TRIO: variants seen among roughly 807,000 people sequenced by gnomAD.
TRIO encodes triple functional domain protein.
A neutral mutation model predicts 351.9 loss-of-function variants in TRIO; 58 were observed. The ratio of observed to expected loss-of-function variants is 0.16; its 90% CI spans 0.13 to 0.21. The LOEUF is 0.21. TRIO is among the 10% of genes least tolerant of loss of function. The pLI is 1.00. For missense variants in TRIO, 3,201 were observed against 4,027.8 expected (o/e 0.79, Z 5.56); for synonymous variants, 1,758 against 1,595.7 (o/e 1.10, Z -2.42).
At chr5:14,364,071 G>T in intron 14 of TRIO, 144 bp downstream of exon 14, 1 of 734,930 alleles carries the variant, frequency 1.4e-6, no homozygotes, top group South Asian at 2.3e-5. Flanking sequence ...AAGAACGTTT[G>T]CATTTTTATG....
chr5:14,298,361 G>A (rs30633), intron 7 of TRIO, among the ~76,000 whole-genome samples: 89,597 of 151,978 alleles, frequency 0.59, 28,963 homozygotes, highest in Middle Eastern at 0.71. Context: ...TTCAGGATGT[G>A]GAGAAAGGGC....
intron 1 of TRIO, among the ~76,000 whole-genome samples, chr5:14,208,811 A>T (rs171592): frequency 6.6e-6 from 1 of 151,982 alleles, no homozygotes; most frequent in South Asian, 2.1e-4. Context: ...CCTCACTTCT[A>T]TTTTCTGTTC....
chr5:14,247,795 C>T (rs1359531921), intron 1 of TRIO, among the ~76,000 whole-genome samples: 4 of 152,086 alleles, frequency 2.6e-5, no homozygotes, highest in African/African-American at 9.7e-5. Flanking sequence ...AGGCAGGGCA[C>T]GGTGGCTCAC....
At chr5:14,465,520 C>G in intron 36 of TRIO, 25 bp from the exon 37 acceptor site, 2 of 1,613,266 alleles carry the variant, frequency 1.2e-6, no homozygotes, top group Admixed American at 1.7e-5. Flanking sequence ...GCCCCACCCC[C>G]TCCTTTTCTT....
At chr5:14,487,048 C>G (rs888903798) in intron 47 of TRIO, among the ~76,000 whole-genome samples, 2 of 152,256 alleles carry the variant, frequency 1.3e-5, no homozygotes. Flanking sequence ...TCCTTAGCTT[C>G]CCTCAGGGCT....
At chr5:14,479,182 C>A in intron 41 of TRIO, 79 bp from the exon 42 acceptor site, 1 of 1,216,932 alleles carries the variant, frequency 8.2e-7, no homozygotes, top group Non-Finnish European at 1.2e-6. Context: ...TATGAATGTG[C>A]TGAAATGTGC....
At chr5:14,150,601 CAATT>C (rs1373034146) in intron 1 of TRIO, among the ~76,000 whole-genome samples, 2 of 152,148 alleles carry the variant, frequency 1.3e-5, no homozygotes, top group African/African-American at 4.8e-5. Flanking sequence ...AATAGGCAAA[CAATT>C]AAAAGAAGTA....
At chr5:14,473,959 C>G (rs1329624152) in intron 39 of TRIO, 35 bp from the exon 40 acceptor site, 1 of 1,584,790 alleles carries the variant, frequency 6.3e-7, no homozygotes, top group Non-Finnish European at 8.6e-7. Context: ...AGACATATTC[C>G]ATGAAATACA....
intron 1 of TRIO, among the ~76,000 whole-genome samples, chr5:14,145,664 TG>T (rs1787472912): frequency 6.6e-6 from 1 of 152,192 alleles, no homozygotes; most frequent in Admixed American, 6.5e-5. Context: ...AGCTCCTCTC[TG>T]TTAGAAAGGC....
chr5:14,416,574 A>G (rs1380397792), intron 33 of TRIO, among the ~76,000 whole-genome samples: 1 of 152,196 alleles, frequency 6.6e-6, no homozygotes, highest in Non-Finnish European at 1.5e-5. Flanking sequence ...AGGAATTTTA[A>G]CTTTGTATAT....
intron 49 of TRIO, among the ~76,000 whole-genome samples, chr5:14,495,475 CTT>C (rs1756812158): frequency 6.6e-6 from 1 of 152,000 alleles, no homozygotes; most frequent in Non-Finnish European, 1.5e-5. Context: ...GCAGGGAAGT[CTT>C]TTGTAACAAG....
At chr5:14,331,071 A>G (rs1011331647) in intron 10 of TRIO, among the ~76,000 whole-genome samples, 171 bp downstream of exon 10, 1 of 152,276 alleles carries the variant, frequency 6.6e-6, no homozygotes. Flanking sequence ...AGGCAGAAAC[A>G]TGATTTGGTA....
intron 37 of TRIO, among the ~76,000 whole-genome samples, chr5:14,468,546 G>A (rs1340258183): frequency 6.6e-6 from 1 of 152,160 alleles, no homozygotes; most frequent in African/African-American, 2.4e-5. Context: ...CTCTTTTTCT[G>A]GTTCAAGAGA....
intron 54 of TRIO, among the ~76,000 whole-genome samples, chr5:14,503,655 G>T (rs3789158): frequency 1.3e-5 from 2 of 152,040 alleles, no homozygotes. Context: ...AACGACCAAC[G>T]TCCTCCACAT....
intron 47 of TRIO, 152 bp from the exon 48 acceptor site, chr5:14,487,312 C>A: frequency 1.1e-6 from 1 of 946,816 alleles, no homozygotes; most frequent in Non-Finnish European, 1.3e-6. Flanking sequence ...AAGCAGGGGC[C>A]TCTTCTAGCT....
chr5:14,334,261 C>G (rs1360861917), intron 10 of TRIO, among the ~76,000 whole-genome samples: 1 of 152,052 alleles, frequency 6.6e-6, no homozygotes, highest in Non-Finnish European at 1.5e-5. Flanking sequence ...GCAGAAGGAC[C>G]CAGGGAAGGT....
At chr5:14,300,203 C>A (rs1418476906) in intron 7 of TRIO, among the ~76,000 whole-genome samples, 1 of 152,194 alleles carries the variant, frequency 6.6e-6, no homozygotes, top group Non-Finnish European at 1.5e-5. Context: ...TATTAAGACG[C>A]TTTCACAGCA....
chr5:14,383,700 C>T (rs2152356783), intron 21 of TRIO, among the ~76,000 whole-genome samples: 1 of 152,296 alleles, frequency 6.6e-6, no homozygotes, highest in South Asian at 2.1e-4. Context: ...ACACCCCTCA[C>T]CTTTCCTTTT....
intron 11 of TRIO, 95 bp from the exon 12 acceptor site, chr5:14,358,081 TCA>T: frequency 1.4e-6 from 2 of 1,433,810 alleles, no homozygotes; most frequent in Non-Finnish European, 9.4e-7. Flanking sequence ...CCAGGGCAAG[TCA>T]CACACCGTCT....
Sources: gnomAD v4.1 joint callset for allele counts (sites outside exome capture counted in the v4.1 genomes callset) on GRCh38, gnomAD v4.1.1 for gene constraint, MANE v1.5 for transcripts, NCBI Gene and HGNC (gene_info 2026-07-23, HGNC 2026-07-21) for gene names.